Variants in MKNK1 observed in about 807,000 individuals in gnomAD.
The protein encoded by MKNK1 is MAPK interacting serine/threonine kinase 1.
A neutral mutation model predicts 49.3 loss-of-function variants in MKNK1; 30 were observed. The ratio of observed to expected loss-of-function variants is 0.61; its 90% CI spans 0.46 to 0.83. The LOEUF (loss-of-function observed/expected upper bound fraction) is 0.83. Among genes scored for constraint, MKNK1 ranks in the 40% least tolerant of loss-of-function variants. MKNK1 has a pLI of 0.00. For missense variants in MKNK1, 423 were observed against 524.7 expected, an observed-to-expected ratio of 0.81 and a Z score of 1.89; for synonymous variants, 176 against 201.7, an observed-to-expected ratio of 0.87 and a Z score of 1.08.
rs1205718160 is a variant in MKNK1, at chr1:46,583,273, T to G, written c.55A>C (p.Lys19Gln). The G allele has an allele frequency of 6.2e-7, 1 of 1,614,052 alleles. No individual in the cohort carries two copies. The highest frequency in any genetic ancestry group is 1.7e-5 in the Admixed American group (1 of 59,970). ...GAGTCAGTGGCCCGGCCCCTCCGCT[T>G]CTTCTTCCTCCTCCTGTCACCATCT... ...IADGDRRRKK[K>Q]RRGRATDSLP... Residue 19 changes from lysine (K) to glutamine (Q), a missense_variant, in exon 3 of 13, where the codon AAG (lysine) becomes CAG (glutamine). By Grantham distance (53) the Lys-to-Gln change is moderately conservative (BLOSUM62 1). Coordinates refer to ENST00000371945, the MANE Select transcript of MKNK1 (RefSeq NM_001135553.4).
intron 6 of MKNK1, chr1:46,574,711 C>A: frequency 9.8e-6 from 5 of 510,078 alleles, no homozygotes; most frequent in Non-Finnish European, 1.7e-5. Flanking sequence ...ATATATGACT[C>A]CTATTATAAT....
intron 1 of MKNK1, among the ~76,000 whole-genome samples, chr1:46,596,890 A>G (rs886706255): frequency 3.9e-5 from 6 of 152,216 alleles, no homozygotes; most frequent in African/African-American, 7.2e-5. Context: ...ACAAAGGCAG[A>G]GAGAGAATGT....
At chr1:46,583,938 C>T (rs11211314) in intron 2 of MKNK1, among the ~76,000 whole-genome samples, 6,304 of 152,294 alleles carry the variant, frequency 0.041, 165 homozygotes, top group African/African-American at 0.079. Flanking sequence ...CCTCTCCTCC[C>T]ATAGCTCCTC....
chr1:46,568,144 C>G, intron 8 of MKNK1: 2 of 254,842 alleles, frequency 7.8e-6, no homozygotes, highest in Non-Finnish European at 1.5e-5. Context: ...AAAGTATTTA[C>G]GACTTCCATC....
At chr1:46,593,947 C>T (rs958835240) in intron 2 of MKNK1, 166 bp downstream of exon 2, 3 of 553,552 alleles carry the variant, frequency 5.4e-6, no homozygotes, top group Non-Finnish European at 9.9e-6. Context: ...ATGTGTTCCT[C>T]CTACTAAGCG....
rs545339941 is a variant in MKNK1, at chr1:46,570,871, C to T, written c.457+1192G>A. 3.3e-5 allele frequency among the ~76,000 whole-genome samples: 5 copies of T among 152,316 alleles called. No individual in the cohort carries two copies. The South Asian group carries it at 1.0e-3, about 32-fold the overall frequency. ...ATACAAACACAAGATACACATTTTT[C>T]ATCTATAAAAAGCTTAGAATAGTGC... On this transcript the variant is annotated intron_variant, in intron 7 of 12. Transcript: ENST00000371945.
chr1:46,593,675 A>T (rs1673644466), intron 2 of MKNK1: 1 of 153,894 alleles, frequency 6.5e-6, no homozygotes, highest in Non-Finnish European at 1.4e-5. Flanking sequence ...CCTGGCTAAC[A>T]TGATGAAACC....
At chr1:46,568,675 A>G in intron 7 of MKNK1, 177 bp from the exon 8 acceptor site, 1 of 624,634 alleles carries the variant, frequency 1.6e-6, no homozygotes, top group Non-Finnish European at 2.8e-6. Context: ...CCAAAAGCAC[A>G]GTTGATTCTG....
At chr1:46,601,020 G>A (rs1006807397) in intron 1 of MKNK1, among the ~76,000 whole-genome samples, 1 of 152,096 alleles carries the variant, frequency 6.6e-6, no homozygotes, top group Non-Finnish European at 1.5e-5. Flanking sequence ...GGGTTCAAGC[G>A]ATTCTCCTGC....
At chr1:46,572,379 A>G (rs1570146877) in intron 6 of MKNK1, 1 of 397,102 alleles carries the variant, frequency 2.5e-6, no homozygotes, top group Non-Finnish European at 4.7e-6. Flanking sequence ...TGTCCAGCTA[A>G]TTTTTGTACT....
chr1:46,561,546 G>C lies in MKNK1; in HGVS notation c.901C>G (p.Leu301Val). 1.9e-6 allele frequency: 3 copies of C among 1,614,226 alleles called. No individual in the cohort carries two copies. Among genetic ancestry groups the C allele is most frequent in the South Asian group, 2.2e-5 (2 of 91,084 alleles). ...CTCTGCTTTGCATCTCGCACCAGGAGCTTGGAGATGAGGTCTTTGGCTTCA... is the reference window on the plus strand; with the variant it reads ...CTCTGCTTTGCATCTCGCACCAGGACCTTGGAGATGAGGTCTTTGGCTTCA... Reference protein sequence around the residue: ...SSEAKDLISKLLVRDAKQRLS... With the variant: ...SSEAKDLISKVLVRDAKQRLS... The change falls in exon 11 of 13, where the codon CTC (leucine) becomes GTC (valine). Residue 301 changes from leucine (L) to valine (V), a missense_variant. Leu to Val is a conservative substitution (Grantham distance 32). Coordinates refer to ENST00000371945, the MANE Select transcript of MKNK1 (RefSeq NM_001135553.4).
chr1:46,560,619 G>A (rs1369950483), intron 11 of MKNK1, among the ~76,000 whole-genome samples: 2 of 152,224 alleles, frequency 1.3e-5, no homozygotes, highest in Non-Finnish European at 2.9e-5. Flanking sequence ...CCCGGGATGG[G>A]GAGTGGGGTC....
chr1:46,593,893 A>T, intron 2 of MKNK1: 3 of 331,652 alleles, frequency 9.0e-6, no homozygotes, highest in East Asian at 4.6e-5. Context: ...AATATGTTTT[A>T]GTTACATGTT....
chr1:46,565,429 G>T, intron 8 of MKNK1: 1 of 414,312 alleles, frequency 2.4e-6, no homozygotes, highest in Non-Finnish European at 4.5e-6. Context: ...GGCAAATGAT[G>T]GTACAGGTTG....
At chr1:46,570,817 C>T (rs1235058449) in intron 7 of MKNK1, among the ~76,000 whole-genome samples, 2 of 152,228 alleles carry the variant, frequency 1.3e-5, no homozygotes, top group Admixed American at 1.3e-4. Flanking sequence ...ATACCAGGAA[C>T]TATGCTCCAT....
At chr1:46,570,935 CGAT>C (rs1331000730) in intron 7 of MKNK1, among the ~76,000 whole-genome samples, 1 of 152,080 alleles carries the variant, frequency 6.6e-6, no homozygotes, top group African/African-American at 2.4e-5. Flanking sequence ...TAACTACAGT[CGAT>C]GATGTTATTA....
intron 2 of MKNK1, 85 bp from the exon 3 acceptor site, chr1:46,583,414 G>C: frequency 9.9e-7 from 1 of 1,014,586 alleles, no homozygotes; most frequent in Non-Finnish European, 1.5e-6. Flanking sequence ...AAAAGGTAGT[G>C]GGGGAGGACC....
chr1:46,563,437 TTC>T (rs1159377675), intron 9 of MKNK1: 18 of 152,384 alleles, frequency 1.2e-4, no homozygotes, highest in African/African-American at 4.1e-4. Flanking sequence ...CAATATTCCT[TTC>T]TCTCACCCTT....
rs567059836 is a variant in MKNK1 at position 46,576,287 on chromosome 1, GAAAT to G, written c.278+284_278+287del. The G allele has an allele frequency of 2.2e-3, 773 of 344,938 alleles. 1 individual carries two copies. Among genetic ancestry groups the G allele is most frequent in the Non-Finnish European group, 3.3e-3 (613 of 184,348 alleles). The allele number at this position is 344,938 out of a possible 1,614,324, so 21.4% of individuals were successfully genotyped here. A position where few individuals can be genotyped will look rare whatever the true frequency, so the allele number is the denominator to read the frequency against. Reference sequence around the variant, plus strand: ...AACCTAGTTTCCACAGGTACCGAAAGAAATAAAACCCCATTTCCCCCCAACAACC... The same window carrying G: ...AACCTAGTTTCCACAGGTACCGAAAGAAAACCCCATTTCCCCCCAACAACC... On this transcript the variant is annotated intron_variant, in intron 5 of 12. Transcript: ENST00000371945.
Sources: gnomAD v4.1 joint callset for allele counts (sites outside exome capture counted in the v4.1 genomes callset) on GRCh38, gnomAD v4.1.1 for gene constraint, MANE v1.5 for transcripts, NCBI Gene and HGNC (gene_info 2026-07-23, HGNC 2026-07-21) for gene names.